The following ANK2 variants were observed in gnomAD, a reference collection of about 807,000 sequenced individuals.
ANK2 encodes ankyrin-2.
ANK2 carries 83 observed loss-of-function variants against 360.5 expected under a neutral mutation model. The ratio of observed to expected loss-of-function variants is 0.23; its 90% CI spans 0.19 to 0.28. ANK2 has a LOEUF of 0.28. Ranked by LOEUF, ANK2 falls within the 10% of genes least tolerant of loss-of-function variation. The pLI is 1.00. For missense variants in ANK2, 4,201 were observed against 4,795.7 expected, an observed-to-expected ratio of 0.88 and a Z score of 3.66; for synonymous variants, 1,740 against 1,759.5, an observed-to-expected ratio of 0.99 and a Z score of 0.28.
At chr4:113,120,905 T>C (rs1286432941) in intron 1 of ANK2, among the ~76,000 whole-genome samples, 2 of 152,176 alleles carry the variant, frequency 1.3e-5, no homozygotes, top group Non-Finnish European at 2.9e-5. Flanking sequence ...CACCATAAAT[T>C]TTCAAATAAA....
At chr4:113,290,162 G>GTTTTTTTTTTTTTTTTTTTTTTTTTTTTT (rs201484217) in intron 20 of ANK2, among the ~76,000 whole-genome samples, 1 of 144,450 alleles carries the variant, frequency 6.9e-6, no homozygotes, top group Non-Finnish European at 1.5e-5. Context: ...TATCATTTCA[G>GTTTTTTTTTTTTTTTTTTTTTTTTTTTTT]TTTTTTTTGT....
Position 113,354,776 on chromosome 4 carries a change from G to A in ANK2, c.6158G>A (p.Gly2053Asp). The change falls in exon 38 of 46, where the codon GGC (glycine) becomes GAC (aspartate). Residue 2053 changes from glycine (G) to aspartate (D), a missense_variant. By Grantham distance (94) the Gly-to-Asp change is moderately conservative. Coordinates refer to ENST00000357077, the MANE Select transcript of ANK2 (RefSeq NM_001148.6). ...QKTENQTIKR[G>D]QRLPVTGTAE... ...ACAGAGAATCAGACAATCAAACGAG[G>A]CCAGAGACTCCCGGTAACGGGCACA... 3 of 1,614,054 alleles carry A rather than the reference G, an allele frequency of 1.9e-6. No homozygotes were observed. The highest frequency in any genetic ancestry group is 1.1e-5 in the South Asian group (1 of 91,064).
At position 113,226,489 on chromosome 4, in the gene ANK2, T is replaced by A. The variant is rs112907745; in HGVS notation, c.385-5672T>A. Among the ~76,000 whole-genome samples the A allele has an allele frequency of 5.2e-3, 788 of 152,330 alleles. 11 individuals are homozygous for A. Among genetic ancestry groups the A allele is most frequent in the African/African-American group, 0.018 (739 of 41,578 alleles). ...TCCCAGTAACTTCGTTCAGATATCA[T>A]TTCCTTATCTAGTTGAATTATGGGT... On this transcript the variant is annotated intron_variant, in intron 4 of 45. Coordinates refer to ENST00000357077, the MANE Select transcript of ANK2 (RefSeq NM_001148.6).
chr4:112,826,157 C>T (rs62317060), intron 1 of ANK2: 29,036 of 267,528 alleles, frequency 0.11, 1,927 homozygotes, highest in Non-Finnish European at 0.14. Context: ...TATTTAGGGA[C>T]ATTTCACAGA....
chr4:112,715,792 A>G, the ANK2 span, among the ~76,000 whole-genome samples: 1 of 152,092 alleles, frequency 6.6e-6, no homozygotes, highest in Non-Finnish European at 1.5e-5. Flanking sequence ...TGAATGAGGA[A>G]GGCATGGGAC....
At chr4:112,742,365 C>T in the ANK2 span, among the ~76,000 whole-genome samples, 2 of 151,834 alleles carry the variant, frequency 1.3e-5, no homozygotes, top group Non-Finnish European at 2.9e-5. Context: ...ACCGTGTTGG[C>T]ACAGTGTCTT....
chr4:113,191,985 A>G (rs1481160899), intron 2 of ANK2, among the ~76,000 whole-genome samples: 2 of 152,272 alleles, frequency 1.3e-5, no homozygotes, highest in East Asian at 3.9e-4. Flanking sequence ...CAGTCCTTTT[A>G]TTTGCATCAC....
intron 1 of ANK2, chr4:113,151,258 T>C: frequency 1.5e-6 from 1 of 665,492 alleles, no homozygotes; most frequent in South Asian, 2.0e-5. Flanking sequence ...TCGTAGTTCA[T>C]TTGTGTAGCT....
intron 1 of ANK2, chr4:113,071,823 G>A (rs1410523468): frequency 6.6e-6 from 1 of 152,466 alleles, no homozygotes; most frequent in Non-Finnish European, 1.5e-5. Context: ...AAAGAAAGAG[G>A]TTTAATTAAC....
intron 13 of ANK2, among the ~76,000 whole-genome samples, chr4:113,263,606 T>C (rs2054276905): frequency 6.6e-6 from 1 of 152,244 alleles, no homozygotes. Context: ...CCTTAAAGTT[T>C]CTAGATTTAA....
chr4:112,893,483 G>T (rs1477643914), intron 1 of ANK2, among the ~76,000 whole-genome samples: 1 of 152,060 alleles, frequency 6.6e-6, no homozygotes, highest in Non-Finnish European at 1.5e-5. Context: ...ATCTTAATTT[G>T]CTAATATAAT....
At chr4:113,315,719 A>C (rs913299389) in intron 24 of ANK2, among the ~76,000 whole-genome samples, 1 of 151,976 alleles carries the variant, frequency 6.6e-6, no homozygotes, top group Non-Finnish European at 1.5e-5. Context: ...TAACACGGTG[A>C]AACCCTGTCT....
At chr4:113,247,767 C>T (rs1429061709) in intron 9 of ANK2, among the ~76,000 whole-genome samples, 1 of 152,208 alleles carries the variant, frequency 6.6e-6, no homozygotes. Context: ...CCGAAGTCCA[C>T]ACACTGAACT....
chr4:112,905,492 G>C (rs2084882759), intron 2 of ANK2, among the ~76,000 whole-genome samples: 1 of 152,110 alleles, frequency 6.6e-6, no homozygotes, highest in Non-Finnish European at 1.5e-5. Flanking sequence ...TTGAAGATAA[G>C]ATAAAAGGAG....
chr4:112,754,947 C>T, the ANK2 span, among the ~76,000 whole-genome samples: 2 of 152,278 alleles, frequency 1.3e-5, no homozygotes, highest in Admixed American at 1.3e-4. Context: ...TTTTTTACCT[C>T]AAACTCTTAT....
At position 113,050,905 on chromosome 4, in the gene ANK2, C is replaced by T. The variant is rs549318324; in HGVS notation, c.84+1093C>T. 3.4e-4 allele frequency among the ~76,000 whole-genome samples: 52 copies of T among 152,218 alleles called. No individual in the cohort carries two copies. The South Asian group carries it at 0.011, about 32-fold the overall frequency. Reference sequence around the variant, plus strand: ...CTAAAGATTGTAAATAATTTGCAACCTCTGATATTTAAAAGATCACTGTAT... The same window carrying T: ...CTAAAGATTGTAAATAATTTGCAACTTCTGATATTTAAAAGATCACTGTAT... On this transcript the variant is annotated intron_variant, in intron 1 of 45. Transcript: ENST00000357077.
chr4:112,940,303 T>C lies in ANK2; in HGVS notation c.21+35789T>C, dbSNP rs536354491. On this transcript the variant is annotated intron_variant, in intron 2 of 30. Coordinates refer to the ANK2 transcript ENST00000503271. ...TGGTAAAGGAAAGTCAGATACGTAT[T>C]AATTTGAGAAGCCGTTCTTAAATAC... Among the ~76,000 whole-genome samples, 21 of 152,282 alleles carry C rather than the reference T, an allele frequency of 1.4e-4. No homozygotes were observed. The South Asian group carries it at 1.5e-3, about 11-fold the overall frequency.
chr4:113,369,392 A>G lies in ANK2; in HGVS notation c.11319-122A>G. On this transcript the variant is annotated intron_variant, in intron 42 of 45. Coordinates refer to ENST00000357077, the MANE Select transcript of ANK2 (RefSeq NM_001148.6). ...TGTCCTTTCTTGGCCAAATGTACAA[A>G]AACTATTTTGACTGTCATAGACTAT... 8 of 1,052,800 alleles carry G rather than the reference A, an allele frequency of 7.6e-6. No homozygotes were observed. In the South Asian group the frequency reaches 1.0e-4, roughly 14 times the overall value. The allele number at this position is 1,052,800 out of a possible 1,614,324, so 65.2% of individuals were successfully genotyped here.
At chr4:113,270,444 A>G (rs1287272210) in intron 14 of ANK2, among the ~76,000 whole-genome samples, 2 of 152,210 alleles carry the variant, frequency 1.3e-5, no homozygotes, top group African/African-American at 4.8e-5. Context: ...AATTTTACAC[A>G]AAGATTTCAT....
Sources: gnomAD v4.1 joint callset for allele counts (sites outside exome capture counted in the v4.1 genomes callset) on GRCh38, gnomAD v4.1.1 for gene constraint, MANE v1.5 for transcripts, NCBI Gene and HGNC (gene_info 2026-07-23, HGNC 2026-07-21) for gene names.